GRIP1: variants seen among roughly 807,000 people sequenced by gnomAD.
GRIP1 encodes the protein glutamate receptor interacting protein 1.
GRIP1 carries 45 observed loss-of-function variants against 129.9 expected under a neutral mutation model. The ratio of observed to expected loss-of-function variants is 0.35; its 90% confidence interval spans 0.27 to 0.44. The LOEUF is 0.44. GRIP1 is among the 20% of genes least tolerant of loss of function. The pLI, the probability that GRIP1 is intolerant of heterozygous loss-of-function variation, is 1.00. For missense variants in GRIP1, 1,196 were observed against 1,396.8 expected (o/e 0.86, Z 2.29); for synonymous variants, 530 against 520.8 (o/e 1.02, Z -0.24).
chr12:66,747,655 A>C (rs544602334), intron 1 of GRIP1, among the ~76,000 whole-genome samples: 1 of 152,320 alleles, frequency 6.6e-6, no homozygotes, highest in South Asian at 2.1e-4. Flanking sequence ...AGATTTGAGC[A>C]AAGGCATATA....
At chr12:66,485,147 A>C (rs1317077149) in intron 7 of GRIP1, among the ~76,000 whole-genome samples, 1 of 152,176 alleles carries the variant, frequency 6.6e-6, no homozygotes, top group Non-Finnish European at 1.5e-5. Context: ...GTCCCACCAG[A>C]AGGGAATGAG....
At chr12:67,022,375 T>C (rs2042880150) in intron 1 of GRIP1, among the ~76,000 whole-genome samples, 1 of 152,218 alleles carries the variant, frequency 6.6e-6, no homozygotes, top group African/African-American at 2.4e-5. Context: ...TTTCAACTCT[T>C]ACAAATAAGG....
chr12:66,973,552 A>T (rs2042106994), intron 1 of GRIP1, among the ~76,000 whole-genome samples: 3 of 152,138 alleles, frequency 2.0e-5, no homozygotes, highest in Non-Finnish European at 4.4e-5. Context: ...AGACCTATGT[A>T]TATCAAAAAA....
intron 1 of GRIP1, among the ~76,000 whole-genome samples, chr12:66,701,865 A>G (rs61926133): frequency 0.011 from 1,650 of 152,312 alleles, 12 homozygotes; most frequent in Middle Eastern, 0.024. Context: ...AGCCTTTACA[A>G]TGATTACTTT....
At chr12:66,624,164 T>C (rs2065388262) in intron 1 of GRIP1, among the ~76,000 whole-genome samples, 1 of 152,190 alleles carries the variant, frequency 6.6e-6, no homozygotes, top group African/African-American at 2.4e-5. Context: ...TCCTCTGATT[T>C]TGAATATTTA....
At chr12:66,780,096 T>TC (rs1036322735) in intron 1 of GRIP1, among the ~76,000 whole-genome samples, 155 of 152,084 alleles carry the variant, frequency 1.0e-3, no homozygotes, top group Admixed American at 3.7e-3. Flanking sequence ...TTTTCCCAAG[T>TC]CCCCACATAA....
chr12:66,655,434 A>T (rs1279712404), intron 1 of GRIP1, among the ~76,000 whole-genome samples: 1 of 152,000 alleles, frequency 6.6e-6, no homozygotes, highest in Non-Finnish European at 1.5e-5. Context: ...AACATCCCAC[A>T]CCAGTGTGGT....
exon 1 of GRIP1, chr12:67,069,124 C>G (rs1194012371): frequency 2.0e-6 from 2 of 985,234 alleles, no homozygotes; most frequent in Non-Finnish European, 2.4e-6. Context: ...GCTCCCTGCG[C>G]TCGCTGTCGG....
chr12:66,823,848 CT>C (rs368904168), intron 1 of GRIP1, among the ~76,000 whole-genome samples: 178 of 152,286 alleles, frequency 1.2e-3, no homozygotes, highest in African/African-American at 4.2e-3. Context: ...TAACCACACG[CT>C]TTTTACTGTC....
intron 2 of GRIP1, among the ~76,000 whole-genome samples, chr12:66,577,879 A>G (rs2063197197): frequency 6.6e-6 from 1 of 152,208 alleles, no homozygotes; most frequent in Non-Finnish European, 1.5e-5. Context: ...ACTTGAGCCC[A>G]GGAGGTAAAG....
At chr12:66,552,624 A>G (rs886518196) in intron 2 of GRIP1, among the ~76,000 whole-genome samples, 3 of 152,202 alleles carry the variant, frequency 2.0e-5, no homozygotes, top group African/African-American at 7.2e-5. Context: ...ATCATACAGT[A>G]ATTGTCAAAC....
chr12:66,827,426 C>T (rs1466516498), intron 1 of GRIP1, among the ~76,000 whole-genome samples: 1 of 130,714 alleles, frequency 7.7e-6, no homozygotes, highest in Non-Finnish European at 1.7e-5. Flanking sequence ...GCGCACAAGA[C>T]AGCGAGAGCA....
intron 16 of GRIP1, among the ~76,000 whole-genome samples, chr12:66,399,246 G>A (rs2056898831): frequency 6.6e-6 from 1 of 151,902 alleles, no homozygotes; most frequent in African/African-American, 2.4e-5. Context: ...AGGGTCAACT[G>A]CCAATTCCAC....
chr12:66,803,842 C>G, intron 1 of GRIP1: 1 of 255,850 alleles, frequency 3.9e-6, no homozygotes, highest in Non-Finnish European at 8.0e-6. Context: ...ACGATGTGTA[C>G]AGACCTTGGC....
chr12:66,533,518 A>C (rs918055917), intron 4 of GRIP1, among the ~76,000 whole-genome samples: 1 of 151,966 alleles, frequency 6.6e-6, no homozygotes, highest in Admixed American at 6.6e-5. Context: ...AATGGTGGGC[A>C]CCTGTAATCC....
In GRIP1 at chr12:66,926,251, G is replaced by A. The variant is rs559440268; in HGVS notation, c.58+142799C>T. On this transcript the variant is annotated intron_variant, in intron 1 of 1. Coordinates refer to the GRIP1 transcript ENST00000643019. Reference sequence around the variant, plus strand: ...TCTGACAATAACTTCAGTTTTTTACGTGTAATAATGTTCTCCACCACCTAA... The same window carrying A: ...TCTGACAATAACTTCAGTTTTTTACATGTAATAATGTTCTCCACCACCTAA... Among the ~76,000 whole-genome samples the A allele has an allele frequency of 5.9e-5, 9 of 152,078 alleles. No homozygotes were observed. In the South Asian group the frequency reaches 1.0e-3, roughly 18 times the overall value.
chr12:66,870,209 T>C (rs2040272045), intron 1 of GRIP1, among the ~76,000 whole-genome samples: 1 of 151,998 alleles, frequency 6.6e-6, no homozygotes, highest in African/African-American at 2.4e-5. Context: ...AAACATACCA[T>C]GAGACAGTTG....
chr12:66,816,999 G>A (rs527248166), intron 1 of GRIP1, among the ~76,000 whole-genome samples: 27 of 152,030 alleles, frequency 1.8e-4, no homozygotes, highest in Middle Eastern at 3.4e-3. Flanking sequence ...CGCAAAAGAC[G>A]ATTCCTCATG....
chr12:66,825,452 C>G (rs1307092143), intron 1 of GRIP1, among the ~76,000 whole-genome samples: 2 of 147,000 alleles, frequency 1.4e-5, no homozygotes, highest in Non-Finnish European at 3.0e-5. Context: ...TATAGATATG[C>G]CTTCATCTTA....
Sources: gnomAD v4.1 joint callset for allele counts (sites outside exome capture counted in the v4.1 genomes callset) on GRCh38, gnomAD v4.1.1 for gene constraint, MANE v1.5 for transcripts, NCBI Gene and HGNC (gene_info 2026-07-23, HGNC 2026-07-21) for gene names.